KCNH7: variants seen among roughly 807,000 people sequenced by gnomAD.
KCNH7 encodes voltage-gated inwardly rectifying potassium channel KCNH7.
Under a neutral mutation model 120.8 loss-of-function variants are expected in KCNH7, and 49 were observed. The ratio of observed to expected loss-of-function variants is 0.41; its 90% CI spans 0.32 to 0.51. KCNH7 has a LOEUF of 0.51. Among genes scored for constraint, KCNH7 ranks in the 20% least tolerant of loss-of-function variants. KCNH7 has a pLI of 0.38. For synonymous variants in KCNH7, 547 were observed against 516.1 expected (o/e 1.06, Z -0.81); for missense variants, 1,097 against 1,446.6 (o/e 0.76, Z 3.92).
intron 5 of KCNH7, among the ~76,000 whole-genome samples, chr2:162,510,373 A>G (rs1429299766): frequency 6.6e-6 from 1 of 151,654 alleles, no homozygotes; most frequent in Non-Finnish European, 1.5e-5. Flanking sequence ...ATCTCTGTCC[A>G]GTAGAGACAG....
intron 2 of KCNH7, among the ~76,000 whole-genome samples, chr2:162,593,189 C>T (rs1317978788): frequency 1.3e-5 from 2 of 152,014 alleles, no homozygotes; most frequent in African/African-American, 4.8e-5. Flanking sequence ...AGGGGCAGGC[C>T]TGTGGGCTGA....
chr2:162,725,826 A>G (rs1444096138), intron 2 of KCNH7, among the ~76,000 whole-genome samples: 1 of 152,120 alleles, frequency 6.6e-6, no homozygotes, highest in African/African-American at 2.4e-5. Context: ...ATAATTATCA[A>G]CTCATGGGTA....
intron 11 of KCNH7, among the ~76,000 whole-genome samples, chr2:162,395,470 T>G (rs1222509937): frequency 6.6e-6 from 1 of 151,770 alleles, no homozygotes; most frequent in Non-Finnish European, 1.5e-5. Flanking sequence ...TCTGGTTCAC[T>G]CTGTCTAATA....
At chr2:162,616,709 C>T (rs1309706947) in intron 2 of KCNH7, among the ~76,000 whole-genome samples, 1 of 152,106 alleles carries the variant, frequency 6.6e-6, no homozygotes, top group African/African-American at 2.4e-5. Flanking sequence ...AATGGAAATT[C>T]TATAAAAGTC....
At chr2:162,666,900 G>T (rs1246639339) in intron 2 of KCNH7, among the ~76,000 whole-genome samples, 1 of 151,692 alleles carries the variant, frequency 6.6e-6, no homozygotes, top group Non-Finnish European at 1.5e-5. Context: ...TCACTGCCAT[G>T]TCCTCTGACT....
intron 2 of KCNH7, among the ~76,000 whole-genome samples, chr2:162,743,091 G>T (rs1559111149): frequency 6.6e-6 from 1 of 151,962 alleles, no homozygotes; most frequent in Non-Finnish European, 1.5e-5. Context: ...TTATTTCATT[G>T]ATTTCCCTCT....
chr2:162,377,336 T>C (rs1686238170), intron 14 of KCNH7, among the ~76,000 whole-genome samples: 1 of 151,752 alleles, frequency 6.6e-6, no homozygotes, highest in African/African-American at 2.4e-5. Context: ...GTATTGGTGG[T>C]AGTGTCATCC....
intron 2 of KCNH7, among the ~76,000 whole-genome samples, chr2:162,741,352 A>G (rs1688130801): frequency 6.6e-6 from 1 of 150,834 alleles, no homozygotes. Context: ...TATACATATT[A>G]ATAACATGCT....
intron 2 of KCNH7, among the ~76,000 whole-genome samples, chr2:162,748,293 C>T (rs562450191): frequency 3.3e-5 from 5 of 152,282 alleles, no homozygotes; most frequent in South Asian, 2.1e-4. Flanking sequence ...TTTAAAATTC[C>T]ATATGCTACC....
chr2:162,601,513 C>T (rs1286370040), intron 2 of KCNH7, among the ~76,000 whole-genome samples: 2 of 138,500 alleles, frequency 1.4e-5, no homozygotes, highest in African/African-American at 5.3e-5. Flanking sequence ...ATTATTCAAT[C>T]TGTAGTTAAA....
chr2:162,580,040 C>G (rs1316517618), intron 2 of KCNH7, among the ~76,000 whole-genome samples: 3 of 151,986 alleles, frequency 2.0e-5, no homozygotes, highest in Non-Finnish European at 4.4e-5. Context: ...ATGGGCTTGA[C>G]TATAGATCAG....
intron 6 of KCNH7, among the ~76,000 whole-genome samples, chr2:162,461,671 T>C (rs767703585): frequency 2.6e-4 from 39 of 152,192 alleles, no homozygotes; most frequent in Non-Finnish European, 3.8e-4. Context: ...TCATTGTTTG[T>C]GTACATCTCA....
At chr2:162,824,903 A>G (rs1334832426) in intron 2 of KCNH7, among the ~76,000 whole-genome samples, 2 of 152,038 alleles carry the variant, frequency 1.3e-5, no homozygotes, top group Non-Finnish European at 2.9e-5. Context: ...ATATATGTAT[A>G]TTCAAATAAA....
chr2:162,614,265 A>G (rs1270878574), intron 2 of KCNH7, among the ~76,000 whole-genome samples: 2 of 152,132 alleles, frequency 1.3e-5, no homozygotes, highest in African/African-American at 4.8e-5. Flanking sequence ...AAATTGCTAT[A>G]AAAGTTTTCA....
chr2:162,567,662 G>A (rs1362232459), intron 2 of KCNH7, among the ~76,000 whole-genome samples: 2 of 151,874 alleles, frequency 1.3e-5, no homozygotes, highest in Admixed American at 1.3e-4. Flanking sequence ...CTTTTCCCCT[G>A]TTTTATTCAC....
intron 2 of KCNH7, among the ~76,000 whole-genome samples, chr2:162,621,785 T>C (rs937526252): frequency 3.3e-5 from 5 of 152,174 alleles, no homozygotes; most frequent in African/African-American, 1.2e-4. Context: ...CTATACAAAG[T>C]AACCATTGAC....
chr2:162,641,154 T>G (rs995486716), intron 2 of KCNH7, among the ~76,000 whole-genome samples: 2 of 152,190 alleles, frequency 1.3e-5, no homozygotes, highest in South Asian at 2.1e-4. Context: ...AACTACCACA[T>G]GACCTAACAA....
At chr2:162,382,341 A>T (rs1686442633) in intron 13 of KCNH7, among the ~76,000 whole-genome samples, 2 of 152,080 alleles carry the variant, frequency 1.3e-5, no homozygotes, top group African/African-American at 2.4e-5. Context: ...ACAGCAGTAT[A>T]AAAAATGAGG....
intron 6 of KCNH7, among the ~76,000 whole-genome samples, chr2:162,500,723 T>G (rs1398322289): frequency 2.0e-5 from 3 of 152,076 alleles, no homozygotes; most frequent in African/African-American, 4.8e-5. Context: ...ACAAATCTAT[T>G]ACGTGAATAA....
Sources: allele counts gnomAD v4.1 joint callset (sites outside exome capture counted in the v4.1 genomes callset), GRCh38; gene constraint gnomAD v4.1.1; transcripts MANE v1.5; gene names NCBI Gene and HGNC (gene_info 2026-07-23, HGNC 2026-07-21).